Variants in EFNA5 observed in about 807,000 individuals in gnomAD.
The protein encoded by EFNA5 is ephrin A5, also known as ephrin-A5.
Under a neutral mutation model 22.9 loss-of-function variants are expected in EFNA5, and 5 were observed. The observed-to-expected ratio is 0.22, with a 90% CI of 0.11 to 0.46. The LOEUF (loss-of-function observed/expected upper bound fraction) is 0.46. Ranked by LOEUF, EFNA5 falls within the 20% of genes least tolerant of loss-of-function variation. The pLI, the probability that EFNA5 is intolerant of heterozygous loss-of-function variation, is 0.99. For missense variants in EFNA5, 237 were observed against 293.3 expected (o/e 0.81, Z 1.40); for synonymous variants, 113 against 112.2 (o/e 1.01, Z -0.04).
In EFNA5 at chr5:107,545,086, C is replaced by T. The variant is rs564646485; in HGVS notation, c.126-117577G>A. ...ACAAGCAAAAGCACATGATGTCTAC[C>T]GTCTAAAGCCCTGTCTATATCTCAG... On this transcript the variant is annotated intron_variant, in intron 1 of 4. Transcript: ENST00000333274. Among the ~76,000 whole-genome samples the T allele has an allele frequency of 1.2e-3, 180 of 152,310 alleles. 1 individual carries two copies. Among genetic ancestry groups the T allele is most frequent in the Non-Finnish European group, 1.3e-3 (86 of 68,028 alleles).
At chr5:107,388,118 C>G (rs1399707096) in intron 2 of EFNA5, among the ~76,000 whole-genome samples, 1 of 152,176 alleles carries the variant, frequency 6.6e-6, no homozygotes, top group Admixed American at 6.6e-5. Context: ...TGTGAGCCCT[C>G]CAGCTTTCAC....
intron 1 of EFNA5, 114 bp downstream of exon 1, chr5:107,670,375 A>C: frequency 1.5e-6 from 2 of 1,312,590 alleles, no homozygotes; most frequent in Non-Finnish European, 2.0e-6. Context: ...CGGGCGACGC[A>C]GGCTCCGAGG....
rs116076776 is a variant in EFNA5, at chr5:107,474,284, G to C, written c.126-46775C>G. Reference sequence around the variant, plus strand: ...GTCTGATTTTCTCACTTAGGTACCTGCCGGCTGCATTAGCCATGAAAGTTT... The same window carrying C: ...GTCTGATTTTCTCACTTAGGTACCTCCCGGCTGCATTAGCCATGAAAGTTT... On this transcript the variant is annotated intron_variant, in intron 1 of 4. Transcript: ENST00000333274. Among the ~76,000 whole-genome samples the C allele has an allele frequency of 2.7e-3, 408 of 152,260 alleles. 1 individual carries two copies. The highest frequency in any genetic ancestry group is 9.5e-3 in the African/African-American group (393 of 41,558).
chr5:107,482,481 C>G (rs1486599976), intron 1 of EFNA5, among the ~76,000 whole-genome samples: 1 of 152,130 alleles, frequency 6.6e-6, no homozygotes, highest in Non-Finnish European at 1.5e-5. Context: ...CATGGCCCCA[C>G]TCTTGCTCCA....
intron 2 of EFNA5, 94 bp from the exon 3 acceptor site, chr5:107,387,865 T>C (rs1220833204): frequency 5.5e-6 from 5 of 907,392 alleles, no homozygotes; most frequent in Non-Finnish European, 8.5e-6. Context: ...CAATAAATTC[T>C]TTCCTGACTT....
chr5:107,654,681 C>T (rs1203284656), intron 1 of EFNA5, among the ~76,000 whole-genome samples: 1 of 152,054 alleles, frequency 6.6e-6, no homozygotes, highest in Non-Finnish European at 1.5e-5. Flanking sequence ...TTTATGACAA[C>T]CTTAGTACTA....
chr5:107,468,758 T>C (rs1387268607), intron 1 of EFNA5, among the ~76,000 whole-genome samples: 1 of 151,692 alleles, frequency 6.6e-6, no homozygotes, highest in Non-Finnish European at 1.5e-5. Flanking sequence ...CAAGGACCCA[T>C]CAGCTACATG....
intron 1 of EFNA5, among the ~76,000 whole-genome samples, chr5:107,428,992 TTTCTAGTATAG>T (rs1274831288): frequency 5.3e-5 from 8 of 152,250 alleles, no homozygotes; most frequent in African/African-American, 1.9e-4. Context: ...CCCTTGGTTC[TTTCTAGTATAG>T]TTCCCAGGCT....
At chr5:107,596,911 G>A (rs1749485257) in intron 1 of EFNA5, among the ~76,000 whole-genome samples, 1 of 152,128 alleles carries the variant, frequency 6.6e-6, no homozygotes, top group Non-Finnish European at 1.5e-5. Flanking sequence ...CAGAAAGTCA[G>A]TTGACAAAAA....
chr5:107,452,698 T>C (rs1749593010), intron 1 of EFNA5, among the ~76,000 whole-genome samples: 1 of 152,136 alleles, frequency 6.6e-6, no homozygotes. Context: ...CTGTACTTAC[T>C]CCAGCCTGGG....
intron 1 of EFNA5, among the ~76,000 whole-genome samples, chr5:107,525,307 T>A (rs574822063): frequency 3.9e-5 from 6 of 152,320 alleles, no homozygotes; most frequent in African/African-American, 1.2e-4. Context: ...TATGTATATA[T>A]AAAATGTATA....
chr5:107,583,345 T>C (rs34273069), intron 1 of EFNA5, among the ~76,000 whole-genome samples: 146 of 152,180 alleles, frequency 9.6e-4, no homozygotes, highest in Non-Finnish European at 1.7e-3. Context: ...CAGACTGAAG[T>C]ACCTGGAAAA....
intron 1 of EFNA5, among the ~76,000 whole-genome samples, chr5:107,458,624 T>TA (rs892061584): frequency 7.9e-5 from 12 of 151,664 alleles, no homozygotes; most frequent in African/African-American, 1.4e-4. Context: ...TACATCATTA[T>TA]AAAAAAAAAT....
chr5:107,658,462 C>A (rs1398575943), intron 1 of EFNA5, among the ~76,000 whole-genome samples: 1 of 152,112 alleles, frequency 6.6e-6, no homozygotes, highest in Non-Finnish European at 1.5e-5. Flanking sequence ...GAAGCATAAA[C>A]TTCAATGTAA....
chr5:107,393,860 G>C (rs377490560), intron 2 of EFNA5, among the ~76,000 whole-genome samples: 2 of 152,288 alleles, frequency 1.3e-5, no homozygotes, highest in African/African-American at 4.8e-5. Flanking sequence ...AGAATTTGAT[G>C]AATCAATAAA....
intron 2 of EFNA5, among the ~76,000 whole-genome samples, chr5:107,390,960 A>T (rs935373060): frequency 2.6e-5 from 4 of 152,154 alleles, no homozygotes; most frequent in African/African-American, 9.7e-5. Context: ...GGAGTTCGAG[A>T]CCAGCCTGGC....
intron 1 of EFNA5, among the ~76,000 whole-genome samples, chr5:107,439,440 T>C (rs778994592): frequency 2.6e-5 from 4 of 152,000 alleles, no homozygotes; most frequent in Non-Finnish European, 4.4e-5. Context: ...AGGGATACAG[T>C]GGGGGATAGG....
intron 1 of EFNA5, among the ~76,000 whole-genome samples, chr5:107,621,073 A>G (rs1750025890): frequency 6.6e-6 from 1 of 152,222 alleles, no homozygotes; most frequent in African/African-American, 2.4e-5. Context: ...TAGAAGGTAA[A>G]GAATCATCCT....
At chr5:107,406,520 T>C (rs964962341) in intron 2 of EFNA5, among the ~76,000 whole-genome samples, 1 of 152,092 alleles carries the variant, frequency 6.6e-6, no homozygotes, top group Non-Finnish European at 1.5e-5. Flanking sequence ...TGTTAACTAT[T>C]AGAAAGGCCT....
Sources: gnomAD v4.1 joint callset for allele counts (sites outside exome capture counted in the v4.1 genomes callset) on GRCh38, gnomAD v4.1.1 for gene constraint, MANE v1.5 for transcripts, NCBI Gene and HGNC (gene_info 2026-07-23, HGNC 2026-07-21) for gene names.